The following MLLT10 variants were observed in gnomAD, a reference collection of about 807,000 sequenced individuals.
The protein encoded by MLLT10 is MLLT10 histone lysine methyltransferase DOT1L cofactor, also known as protein AF-10.
Under a neutral mutation model 129.1 loss-of-function variants are expected in MLLT10, and 30 were observed. That is an observed-to-expected ratio of 0.23 (90% CI 0.17 to 0.32). The LOEUF is 0.32. MLLT10 is among the 10% of genes least tolerant of loss of function. MLLT10 has a pLI of 1.00. For synonymous variants in MLLT10, 490 were observed against 446.4 expected, an observed-to-expected ratio of 1.10 and a Z score of -1.23; for missense variants, 1,119 against 1,268.3, an observed-to-expected ratio of 0.88 and a Z score of 1.79.
At chr10:21,714,954 T>G (rs767948075) in intron 14 of MLLT10, among the ~76,000 whole-genome samples, 5 of 152,110 alleles carry the variant, frequency 3.3e-5, no homozygotes, top group Non-Finnish European at 7.3e-5. Context: ...GATAATCATT[T>G]AAGATTTCCA....
At chr10:21,679,087 T>TA (rs1477931419) in intron 11 of MLLT10, among the ~76,000 whole-genome samples, 3 of 152,208 alleles carry the variant, frequency 2.0e-5, no homozygotes, top group Non-Finnish European at 4.4e-5. Context: ...AAAACACCTA[T>TA]AAAATGTTTG....
intron 21 of MLLT10, among the ~76,000 whole-genome samples, chr10:21,736,472 C>T (rs2131587088): frequency 6.6e-6 from 1 of 152,212 alleles, no homozygotes; most frequent in Non-Finnish European, 1.5e-5. Flanking sequence ...TTTGTAGAGA[C>T]AGGGTTTCAC....
intron 9 of MLLT10, 59 bp from the exon 10 acceptor site, chr10:21,670,390 T>C: frequency 2.7e-6 from 4 of 1,498,796 alleles, no homozygotes; most frequent in Non-Finnish European, 3.6e-6. Context: ...CACCCATTGT[T>C]TTCTGTAACT....
intron 13 of MLLT10, among the ~76,000 whole-genome samples, chr10:21,709,645 A>G (rs1238410755): frequency 6.6e-6 from 1 of 152,248 alleles, no homozygotes; most frequent in Non-Finnish European, 1.5e-5. Context: ...TTTCTCTGCT[A>G]TGTATTATTT....
chr10:21,665,311 G>A (rs914682110), intron 9 of MLLT10, among the ~76,000 whole-genome samples: 3 of 130,302 alleles, frequency 2.3e-5, no homozygotes, highest in South Asian at 2.7e-4. Flanking sequence ...TGGGGGGGGG[G>A]GGGTTTCACT....
At chr10:21,558,644 C>T (rs963987099) in intron 3 of MLLT10, among the ~76,000 whole-genome samples, 1 of 151,730 alleles carries the variant, frequency 6.6e-6, no homozygotes, top group Non-Finnish European at 1.5e-5. Flanking sequence ...CCTTGGCCTC[C>T]CAAGGTGCTG....
At chr10:21,584,994 T>A (rs1372659724) in intron 3 of MLLT10, among the ~76,000 whole-genome samples, 2 of 151,982 alleles carry the variant, frequency 1.3e-5, no homozygotes, top group African/African-American at 4.8e-5. Context: ...CGTGGCTCAC[T>A]GCAGCCTTGA....
chr10:21,626,053 C>T, intron 8 of MLLT10: 1 of 1,437,598 alleles, frequency 7.0e-7, no homozygotes, highest in Non-Finnish European at 9.8e-7. Context: ...TTCTCTCAAG[C>T]AAGGCCTTGA....
intron 13 of MLLT10, chr10:21,708,795 G>A: frequency 2.1e-6 from 2 of 948,482 alleles, no homozygotes; most frequent in Non-Finnish European, 2.5e-6. Context: ...AACTTTCAAA[G>A]TGTAGTAGAG....
At chr10:21,625,180 A>G in intron 8 of MLLT10, 2 of 1,464,902 alleles carry the variant, frequency 1.4e-6, no homozygotes, top group South Asian at 2.3e-5. Flanking sequence ...CTTCATATGC[A>G]GTGCTTCTGG....
intron 3 of MLLT10, among the ~76,000 whole-genome samples, chr10:21,562,809 G>GTTGT (rs2039001083): frequency 1.3e-5 from 1 of 76,606 alleles, no homozygotes; most frequent in Non-Finnish European, 2.5e-5. Context: ...CATATACTTT[G>GTTGT]TTTTTTTTGT....
intron 14 of MLLT10, among the ~76,000 whole-genome samples, chr10:21,714,884 A>G (rs946819279): frequency 5.9e-5 from 9 of 152,312 alleles, no homozygotes; most frequent in Admixed American, 5.9e-4. Context: ...TTTTATAAAG[A>G]GGACAGTGCA....
At chr10:21,655,178 C>T (rs1282491442) in intron 9 of MLLT10, among the ~76,000 whole-genome samples, 1 of 151,970 alleles carries the variant, frequency 6.6e-6, no homozygotes, top group Non-Finnish European at 1.5e-5. Flanking sequence ...GGAAGAGAGG[C>T]TGTCAAGGAA....
chr10:21,623,207 A>G (rs1396040610), intron 8 of MLLT10, among the ~76,000 whole-genome samples: 3 of 152,162 alleles, frequency 2.0e-5, no homozygotes, highest in African/African-American at 4.8e-5. Flanking sequence ...ATCGTTGGTC[A>G]TTGGTGATTG....
At chr10:21,699,997 A>G (rs1215749094) in intron 13 of MLLT10, among the ~76,000 whole-genome samples, 8 of 152,192 alleles carry the variant, frequency 5.3e-5, no homozygotes, top group Admixed American at 6.5e-5. Flanking sequence ...AATTCTTCCA[A>G]TTCATGAGCA....
At chr10:21,583,104 A>G (rs2041640129) in intron 3 of MLLT10, among the ~76,000 whole-genome samples, 1 of 152,164 alleles carries the variant, frequency 6.6e-6, no homozygotes, top group Non-Finnish European at 1.5e-5. Flanking sequence ...CTGGAGCTGG[A>G]GGTTGCAGTG....
At chr10:21,685,421 G>C (rs1161619463) in intron 13 of MLLT10, among the ~76,000 whole-genome samples, 1 of 152,118 alleles carries the variant, frequency 6.6e-6, no homozygotes, top group Non-Finnish European at 1.5e-5. Flanking sequence ...TGCAACCTCT[G>C]CCTCCTGAAT....
At position 21,613,628 on chromosome 10, in the gene MLLT10, ACTGTGGCT is replaced by A. The variant is rs1321855452; in HGVS notation, c.509+1178_509+1185del. ...GTTTTTAAAAATGAATATGCTAGGCACTGTGGCTTACGCCTGTAATCCCCAGCACTTTG... is the reference window on the plus strand; with the variant it reads ...GTTTTTAAAAATGAATATGCTAGGCATACGCCTGTAATCCCCAGCACTTTG... On this transcript the variant is annotated intron_variant, in intron 6 of 22. Coordinates refer to ENST00000307729, the MANE Select transcript of MLLT10 (RefSeq NM_001195626.3). Among the ~76,000 whole-genome samples the A allele has an allele frequency of 3.2e-3, 484 of 152,186 alleles. 5 individuals carry two copies. The highest frequency in any genetic ancestry group is 0.011 in the African/African-American group (452 of 41,438).
At chr10:21,590,639 G>A (rs1476031830) in intron 4 of MLLT10, among the ~76,000 whole-genome samples, 3 of 151,996 alleles carry the variant, frequency 2.0e-5, no homozygotes, top group Non-Finnish European at 4.4e-5. Flanking sequence ...ACACCCGGCC[G>A]CCAGTAGTAT....
Sources: gnomAD v4.1 joint callset for allele counts (sites outside exome capture counted in the v4.1 genomes callset) on GRCh38, gnomAD v4.1.1 for gene constraint, MANE v1.5 for transcripts, NCBI Gene and HGNC (gene_info 2026-07-23, HGNC 2026-07-21) for gene names.